The following ATXN10 variants were observed in gnomAD, a reference collection of about 807,000 sequenced individuals.
ATXN10 encodes ataxin-10.
In ATXN10, 28 loss-of-function variants were observed where a neutral mutation model predicts 52.9. That is an observed-to-expected ratio of 0.53 (90% CI 0.39 to 0.73). ATXN10 has a LOEUF of 0.73. Ranked by LOEUF, ATXN10 falls within the 30% of genes least tolerant of loss-of-function variation. The pLI is 0.00. For missense variants in ATXN10, 565 were observed against 577.0 expected, an observed-to-expected ratio of 0.98 and a Z score of 0.21; for synonymous variants, 226 against 221.5, an observed-to-expected ratio of 1.02 and a Z score of -0.18.
At chr22:45,723,186 G>T (rs1409489694) in intron 6 of ATXN10, among the ~76,000 whole-genome samples, 4 of 151,940 alleles carry the variant, frequency 2.6e-5, no homozygotes, top group Non-Finnish European at 5.9e-5. Context: ...TATGTAGATA[G>T]ATCCACTTAT....
intron 9 of ATXN10, among the ~76,000 whole-genome samples, chr22:45,764,053 G>T (rs1926495031): frequency 2.6e-5 from 4 of 152,200 alleles, no homozygotes; most frequent in Admixed American, 2.6e-4. Flanking sequence ...GCTTCTCCCT[G>T]ATCCTGCAGC....
At chr22:45,748,176 C>CT (rs201866062) in intron 9 of ATXN10, among the ~76,000 whole-genome samples, 1 of 148,416 alleles carries the variant, frequency 6.7e-6, no homozygotes, top group African/African-American at 2.5e-5. Flanking sequence ...GAGACTCTGT[C>CT]TTTAAAAAAA....
At chr22:45,697,108 T>A (rs1259178656) in intron 3 of ATXN10, among the ~76,000 whole-genome samples, 2 of 152,200 alleles carry the variant, frequency 1.3e-5, no homozygotes, top group African/African-American at 4.8e-5. Context: ...CACAGTATTA[T>A]GCAACTACCA....
In ATXN10 at chr22:45,781,211, T is replaced by C. The variant is rs1927138029; in HGVS notation, c.1174-25748T>C. 6.6e-6 allele frequency among the ~76,000 whole-genome samples: 1 copy of C among 152,194 alleles called. No individual in the cohort carries two copies. The highest frequency in any genetic ancestry group is 2.4e-5 in the African/African-American group (1 of 41,438). On this transcript the variant is annotated intron_variant, in intron 9 of 11. Transcript: ENST00000252934. This position sits in a 1 kb window ranked among gnomAD's most constrained non-coding sequence, Gnocchi z 4.2. ...AACAGAAACCTTCCCCTGGTTATAA[T>C]GAGGCACCCCTCACCCCTGCTAGGT...
At chr22:45,710,927 T>C (rs931598754) in intron 5 of ATXN10, among the ~76,000 whole-genome samples, 1 of 152,194 alleles carries the variant, frequency 6.6e-6, no homozygotes, top group Admixed American at 6.5e-5. Context: ...CTGAAGCAGA[T>C]AAGCCTGGTT....
At chr22:45,802,978 T>C (rs934907842) in intron 9 of ATXN10, among the ~76,000 whole-genome samples, 6 of 152,242 alleles carry the variant, frequency 3.9e-5, no homozygotes, top group Non-Finnish European at 7.3e-5. Context: ...GAAGTAATTA[T>C]TCAGTTTCGT....
intron 5 of ATXN10, among the ~76,000 whole-genome samples, chr22:45,710,931 C>T (rs376468583): frequency 1.3e-5 from 2 of 152,094 alleles, no homozygotes; most frequent in South Asian, 2.1e-4. Context: ...AGCAGATAAG[C>T]CTGGTTCTCC....
rs1379156638 is a variant in ATXN10, at chr22:45,820,775, G to A, written c.1237+13753G>A. 6.6e-6 allele frequency among the ~76,000 whole-genome samples: 1 copy of A among 152,188 alleles called. No homozygotes were observed. The highest frequency in any genetic ancestry group is 6.5e-5 in the Admixed American group (1 of 15,280). ...CCGGCCATCCCAACAATGGTGGTTG[G>A]TTTTTGTGAGCTGCCGGGAAAGTCG... On this transcript the variant is annotated intron_variant, in intron 10 of 11. Transcript: ENST00000252934. This position sits in a 1 kb window ranked among gnomAD's most constrained non-coding sequence, Gnocchi z 4.9.
intron 6 of ATXN10, among the ~76,000 whole-genome samples, chr22:45,724,421 T>A (rs1426400132): frequency 6.6e-6 from 1 of 152,202 alleles, no homozygotes; most frequent in Non-Finnish European, 1.5e-5. Context: ...TGATGACTAG[T>A]GATGGTGAGC....
intron 9 of ATXN10, among the ~76,000 whole-genome samples, chr22:45,794,074 G>A (rs1454793571): frequency 6.6e-6 from 1 of 152,220 alleles, no homozygotes; most frequent in Non-Finnish European, 1.5e-5. Flanking sequence ...TCATCAGGTT[G>A]TTGCTGTGGA....
At chr22:45,746,570 C>G (rs958392900) in intron 9 of ATXN10, among the ~76,000 whole-genome samples, 2 of 152,082 alleles carry the variant, frequency 1.3e-5, no homozygotes, top group African/African-American at 4.8e-5. Flanking sequence ...CTTTTTGCAA[C>G]TGTAAAATAG....
Position 45,696,193 on chromosome 22 carries a change from T to C in ATXN10, c.391+3115T>C, listed in dbSNP as rs1392826868. Among the ~76,000 whole-genome samples, 1 of 152,210 alleles carries C rather than the reference T, an allele frequency of 6.6e-6. No homozygotes were observed. Among genetic ancestry groups the C allele is most frequent in the Non-Finnish European group, 1.5e-5 (1 of 68,046 alleles). On this transcript the variant is annotated intron_variant, in intron 3 of 11. Coordinates refer to ENST00000252934, the MANE Select transcript of ATXN10 (RefSeq NM_013236.4). This position sits in a 1 kb window ranked among gnomAD's most constrained non-coding sequence, Gnocchi z 4.7. ...AAGATACTTCTGTAGCTCTATTTTA[T>C]AATAAAAGGGAAGCATCAGTACTCA...
chr22:45,723,058 G>A (rs1237891430), intron 6 of ATXN10, among the ~76,000 whole-genome samples: 1 of 151,948 alleles, frequency 6.6e-6, no homozygotes, highest in Non-Finnish European at 1.5e-5. Flanking sequence ...CAATTTAAAA[G>A]GAATATATTT....
Position 45,727,416 on chromosome 22 carries a change from T to C in ATXN10, c.729-2009T>C, listed in dbSNP as rs1264986010. On this transcript the variant is annotated intron_variant, in intron 6 of 11. Coordinates refer to ENST00000252934, the MANE Select transcript of ATXN10 (RefSeq NM_013236.4). The surrounding 1 kb of genome is among the most constrained non-coding windows in gnomAD (Gnocchi z 4.6). ...CTCTGTTGCCCAGGCTGGGGTGCAG[T>C]GGCACGATCTTGGCTTACTGTAACC... Among the ~76,000 whole-genome samples the C allele has an allele frequency of 6.6e-6, 1 of 152,142 alleles. No homozygotes were observed. The highest frequency in any genetic ancestry group is 1.5e-5 in the Non-Finnish European group (1 of 68,026).
Position 45,837,355 on chromosome 22 carries a change from G to A in ATXN10, c.1238-5636G>A, listed in dbSNP as rs1397460911. On this transcript the variant is annotated intron_variant, in intron 10 of 11. Transcript: ENST00000252934. The surrounding 1 kb of genome is among the most constrained non-coding windows in gnomAD (Gnocchi z 5.8). The stretch of plus-strand genomic sequence containing the variant: ...GCTCACTGCAGCCTCTGCCTCCCGG[G>A]TTTAAGCGATTTCTCCTGCCTCAGC... Among the ~76,000 whole-genome samples the A allele has an allele frequency of 6.6e-6, 1 of 152,152 alleles. No homozygotes were observed. The highest frequency in any genetic ancestry group is 2.4e-5 in the African/African-American group (1 of 41,444).
intron 10 of ATXN10, among the ~76,000 whole-genome samples, chr22:45,838,427 G>A (rs544081561): frequency 6.6e-6 from 1 of 152,308 alleles, no homozygotes; most frequent in East Asian, 1.9e-4. Context: ...CTGATTGCAG[G>A]GTTCTTTCAA....
At chr22:45,699,171 G>A (rs914226804) in intron 3 of ATXN10, among the ~76,000 whole-genome samples, 6 of 152,142 alleles carry the variant, frequency 3.9e-5, no homozygotes. Flanking sequence ...TAAAAATAAT[G>A]TTGGGATTTT....
chr22:45,806,425 A>G (rs568421432), intron 9 of ATXN10, among the ~76,000 whole-genome samples: 1 of 152,204 alleles, frequency 6.6e-6, no homozygotes, highest in Non-Finnish European at 1.5e-5. Context: ...AGTTCTTTAT[A>G]TATTAAAATA....
intron 7 of ATXN10, among the ~76,000 whole-genome samples, chr22:45,730,127 T>C (rs761319612): frequency 2.4e-4 from 37 of 152,238 alleles, no homozygotes; most frequent in Non-Finnish European, 4.7e-4. Flanking sequence ...GAGGATCGCT[T>C]GAGCCCAGGA....
Sources: allele counts gnomAD v4.1 joint callset (sites outside exome capture counted in the v4.1 genomes callset), GRCh38; gene constraint gnomAD v4.1.1; non-coding constraint Gnocchi (gnomAD v3.1); transcripts MANE v1.5; gene names NCBI Gene and HGNC (gene_info 2026-07-23, HGNC 2026-07-21).